Variants in L3MBTL4 observed in about 807,000 individuals in gnomAD.
L3MBTL4 encodes L3MBTL histone methyl-lysine binding protein 4.
A neutral mutation model predicts 84.5 loss-of-function variants in L3MBTL4; 70 were observed. The observed-to-expected ratio is 0.83, with a 90% CI of 0.68 to 1.01. L3MBTL4 has a LOEUF of 1.01. Among genes scored for constraint, L3MBTL4 ranks in the 50% least tolerant of loss-of-function variants. L3MBTL4 has a pLI of 0.00. For missense variants in L3MBTL4, 715 were observed against 754.8 expected (o/e 0.95, Z 0.62); for synonymous variants, 274 against 259.8 (o/e 1.05, Z -0.52).
At chr18:6,327,758 G>A (rs571607051) in intron 1 of L3MBTL4, among the ~76,000 whole-genome samples, 7 of 152,170 alleles carry the variant, frequency 4.6e-5, no homozygotes, top group Non-Finnish European at 8.8e-5. Context: ...CCAGCGTAGA[G>A]TTGTTCATTT....
At chr18:5,992,122 T>C (rs778193949) in intron 16 of L3MBTL4, among the ~76,000 whole-genome samples, 1 of 152,110 alleles carries the variant, frequency 6.6e-6, no homozygotes, top group Non-Finnish European at 1.5e-5. Context: ...GAAGGGCATA[T>C]GTGGAAAGAA....
At chr18:6,196,739 T>C (rs572230904) in intron 12 of L3MBTL4, among the ~76,000 whole-genome samples, 1 of 152,290 alleles carries the variant, frequency 6.6e-6, no homozygotes, top group South Asian at 2.1e-4. Context: ...AACATCTTAC[T>C]ATCTCAGTAA....
At chr18:5,983,810 A>C (rs1256905020) in intron 16 of L3MBTL4, among the ~76,000 whole-genome samples, 1 of 152,186 alleles carries the variant, frequency 6.6e-6, no homozygotes, top group Non-Finnish European at 1.5e-5. Context: ...CTGATTTTTC[A>C]GTCTTTCTGT....
At chr18:6,322,505 AGAAGG>A (rs2051474271) in intron 1 of L3MBTL4, among the ~76,000 whole-genome samples, 1 of 93,914 alleles carries the variant, frequency 1.1e-5, no homozygotes, top group African/African-American at 4.2e-5. Flanking sequence ...AAGGAAGGAA[AGAAGG>A]AAAAAAAAAA....
At chr18:6,212,789 C>A (rs570278380) in intron 12 of L3MBTL4, among the ~76,000 whole-genome samples, 1 of 152,182 alleles carries the variant, frequency 6.6e-6, no homozygotes, top group Non-Finnish European at 1.5e-5. Context: ...CAAAGTCAGT[C>A]ATGTCTCATC....
chr18:6,171,273 C>CA (rs911231110), intron 13 of L3MBTL4, among the ~76,000 whole-genome samples: 3 of 151,700 alleles, frequency 2.0e-5, no homozygotes, highest in Admixed American at 1.3e-4. Flanking sequence ...CTCCTTCAGA[C>CA]AAAAAAATAA....
chr18:6,121,110 T>C (rs528981583), intron 14 of L3MBTL4, among the ~76,000 whole-genome samples: 87 of 152,312 alleles, frequency 5.7e-4, no homozygotes, highest in African/African-American at 2.0e-3. Context: ...CTGTTGTCCA[T>C]TCATTCTTGA....
intron 10 of L3MBTL4, among the ~76,000 whole-genome samples, chr18:6,229,293 T>A (rs1267244488): frequency 1.3e-5 from 2 of 152,144 alleles, no homozygotes; most frequent in Non-Finnish European, 2.9e-5. Context: ...ATGTGGGTAA[T>A]TGTTTTCAAG....
chr18:6,108,835 A>G (rs536114208), intron 14 of L3MBTL4, among the ~76,000 whole-genome samples: 1 of 152,338 alleles, frequency 6.6e-6, no homozygotes, highest in Admixed American at 6.5e-5. Context: ...ATATAGTATA[A>G]CAACTATTTA....
chr18:6,259,612 T>A (rs1274499505), intron 5 of L3MBTL4: 1 of 152,146 alleles, frequency 6.6e-6, no homozygotes, highest in Non-Finnish European at 1.5e-5. Flanking sequence ...CCTTCATTCT[T>A]CTTTTGCCCA....
intron 17 of L3MBTL4, among the ~76,000 whole-genome samples, chr18:5,967,965 T>A (rs1197590365): frequency 6.6e-6 from 1 of 152,224 alleles, no homozygotes; most frequent in Non-Finnish European, 1.5e-5. Flanking sequence ...TTCCTCACGA[T>A]CTGGACTCTG....
At chr18:6,302,646 GTCT>G (rs1443780021) in intron 3 of L3MBTL4, among the ~76,000 whole-genome samples, 1 of 152,182 alleles carries the variant, frequency 6.6e-6, no homozygotes, top group East Asian at 1.9e-4. Context: ...CCAGATATGT[GTCT>G]TCTTTATGTC....
Position 6,391,108 on chromosome 18 carries a change from C to T in L3MBTL4, c.-91+23693G>A, listed in dbSNP as rs184824939. ...TCAACAAAATACTAGCTAATTGAAT[C>T]CAACAGCACATCAAAAGATAATACA... On this transcript the variant is annotated intron_variant, in intron 1 of 18. Coordinates refer to ENST00000317931, the MANE Select transcript of L3MBTL4 (RefSeq NM_001330559.2). 2.1e-3 allele frequency among the ~76,000 whole-genome samples: 321 copies of T among 152,228 alleles called. 3 individuals carry two copies. The highest frequency in any genetic ancestry group is 3.4e-3 in the Middle Eastern group (1 of 294).
intron 12 of L3MBTL4, among the ~76,000 whole-genome samples, chr18:6,173,003 C>T (rs1402403018): frequency 1.3e-5 from 2 of 152,146 alleles, no homozygotes; most frequent in African/African-American, 2.4e-5. Context: ...TCAGCATCAC[C>T]GACCTAGGCA....
intron 12 of L3MBTL4, among the ~76,000 whole-genome samples, chr18:6,183,981 C>A (rs982993695): frequency 6.6e-6 from 1 of 151,922 alleles, no homozygotes; most frequent in African/African-American, 2.4e-5. Context: ...ATATAAGGAA[C>A]CTTGAACAAC....
At chr18:6,387,128 C>G (rs914221990) in intron 1 of L3MBTL4, among the ~76,000 whole-genome samples, 1 of 152,156 alleles carries the variant, frequency 6.6e-6, no homozygotes, top group Non-Finnish European at 1.5e-5. Flanking sequence ...AACACACACA[C>G]AAGAGAAAAT....
chr18:6,143,863 G>C (rs2060266313), intron 13 of L3MBTL4, among the ~76,000 whole-genome samples: 2 of 152,128 alleles, frequency 1.3e-5, no homozygotes, highest in South Asian at 4.1e-4. Flanking sequence ...GCAGATAATA[G>C]ATACTCAACA....
At chr18:6,282,428 T>A (rs1292227571) in intron 4 of L3MBTL4, among the ~76,000 whole-genome samples, 6 of 152,020 alleles carry the variant, frequency 3.9e-5, no homozygotes, top group Non-Finnish European at 2.9e-5. Flanking sequence ...GTACCTATAA[T>A]TAGGCAAAGG....
intron 5 of L3MBTL4, among the ~76,000 whole-genome samples, chr18:6,253,993 C>T (rs2048033125): frequency 6.6e-6 from 1 of 152,164 alleles, no homozygotes; most frequent in Non-Finnish European, 1.5e-5. Flanking sequence ...TGCTCTTTTT[C>T]TATTCTTGTT....
Sources: gnomAD v4.1 joint callset for allele counts (sites outside exome capture counted in the v4.1 genomes callset) on GRCh38, gnomAD v4.1.1 for gene constraint, MANE v1.5 for transcripts, NCBI Gene and HGNC (gene_info 2026-07-23, HGNC 2026-07-21) for gene names.